SNF8: variants seen among roughly 807,000 people sequenced by gnomAD.
The protein encoded by SNF8 is vacuolar-sorting protein SNF8.
A neutral mutation model predicts 36.8 loss-of-function variants in SNF8; 19 were observed. The ratio of observed to expected loss-of-function variants is 0.52; its 90% CI spans 0.36 to 0.76. The LOEUF (loss-of-function observed/expected upper bound fraction) is 0.76, where lower values mean the gene tolerates loss of function less well. SNF8 is among the 30% of genes least tolerant of loss of function. The pLI is 0.00. For missense variants in SNF8, 268 were observed against 322.9 expected, an observed-to-expected ratio of 0.83 and a Z score of 1.30; for synonymous variants, 127 against 127.4, an observed-to-expected ratio of 1.00 and a Z score of 0.02.
intron 2 of SNF8, among the ~76,000 whole-genome samples, chr17:48,941,706 T>G (rs1211891576): frequency 6.6e-6 from 1 of 152,124 alleles, no homozygotes; most frequent in African/African-American, 2.4e-5. Flanking sequence ...TTTTAATTTT[T>G]TTGAGACAGA....
At chr17:48,931,543 A>G (rs2040859149) in intron 7 of SNF8, 100 bp downstream of exon 7, 2 of 964,170 alleles carry the variant, frequency 2.1e-6, no homozygotes, top group Non-Finnish European at 3.2e-6. Flanking sequence ...TTCAAGGCAG[A>G]AGGCCAGCAA....
At chr17:48,931,599 C>T in intron 7 of SNF8, 44 bp downstream of exon 7, 4 of 1,531,464 alleles carry the variant, frequency 2.6e-6, no homozygotes, top group South Asian at 1.2e-5. Flanking sequence ...ATCCTCCCAA[C>T]TGGGGCCTGC....
At chr17:48,937,360 G>A (rs1309006863) in intron 3 of SNF8, 18 of 617,286 alleles carry the variant, frequency 2.9e-5, no homozygotes, top group Non-Finnish European at 1.5e-5. Flanking sequence ...GGGCGCAGTG[G>A]CTCACGCCTG....
At chr17:48,936,994 A>T (rs745975120) in intron 4 of SNF8, 26 bp downstream of exon 4, 3 of 1,514,106 alleles carry the variant, frequency 2.0e-6, no homozygotes, top group Non-Finnish European at 2.8e-6. Context: ...TCCAGAGTCC[A>T]GTTCACAGGA....
At chr17:48,936,831 A>C in intron 4 of SNF8, 189 bp downstream of exon 4, 2 of 618,440 alleles carry the variant, frequency 3.2e-6, no homozygotes, top group African/African-American at 3.7e-5. Context: ...GAACAGAGAC[A>C]ATCGTTCAGG....
At chr17:48,930,642 G>A in intron 7 of SNF8, 30 bp from the exon 8 acceptor site, 1 of 1,605,864 alleles carries the variant, frequency 6.2e-7, no homozygotes, top group Non-Finnish European at 8.5e-7. Context: ...AGAGCAGTTT[G>A]AGAACAGGGA....
At chr17:48,937,272 C>T (rs749754704) in intron 3 of SNF8, 148 bp from the exon 4 acceptor site, 6 of 724,628 alleles carry the variant, frequency 8.3e-6, no homozygotes, top group Middle Eastern at 2.3e-4. Context: ...AGGAAACAAT[C>T]GGACTCACGG....
At chr17:48,930,684 C>T (rs2040845807) in intron 7 of SNF8, 72 bp from the exon 8 acceptor site, 1 of 1,481,732 alleles carries the variant, frequency 6.7e-7, no homozygotes, top group Admixed American at 2.1e-5. Context: ...GTAAGCAACC[C>T]CCACACCTAT....
intron 2 of SNF8, among the ~76,000 whole-genome samples, chr17:48,942,969 A>C (rs2041052322): frequency 6.7e-6 from 1 of 148,722 alleles, no homozygotes; most frequent in African/African-American, 2.5e-5. Flanking sequence ...GGGTTCATGC[A>C]ATTCTCCTAC....
intron 7 of SNF8, among the ~76,000 whole-genome samples, chr17:48,931,298 G>A (rs148410402): frequency 1.2e-4 from 18 of 152,258 alleles, no homozygotes; most frequent in Middle Eastern, 6.8e-3. Flanking sequence ...TGTAATTAAC[G>A]TAGTTAATAA....
chr17:48,930,495 C>A lies in SNF8; in HGVS notation c.757G>T (p.Ala253Ser), dbSNP rs979540367. Residue 253 changes from alanine to serine, a missense_variant, in exon 8 of 8, where the codon GCC becomes TCC. By Grantham distance (99) the Ala-to-Ser change is moderately conservative (BLOSUM62 1). Transcript: ENST00000502492. ...LYSQEITAEE[A>S]REALP ...TGCAGTCAGGGGAGGGCTTCTCTGG[C>A]CTCCTCAGCTGTAATCTCCTGGGAG... 1 of 1,608,712 alleles carries A rather than the reference C, an allele frequency of 6.2e-7. No individual in the cohort carries two copies. Among genetic ancestry groups the A allele is most frequent in the African/African-American group, 1.3e-5 (1 of 74,996 alleles).
At chr17:48,937,621 A>G (rs575470344) in intron 3 of SNF8, among the ~76,000 whole-genome samples, 11 of 146,116 alleles carry the variant, frequency 7.5e-5, no homozygotes, top group Non-Finnish European at 1.6e-4. Flanking sequence ...TAAGAGCACA[A>G]CTCTCTCTCA....
chr17:48,936,132 T>A, intron 5 of SNF8, 38 bp downstream of exon 5: 1 of 1,500,928 alleles, frequency 6.7e-7, no homozygotes. Context: ...TTTAAAGACC[T>A]CTTTCTGTAC....
At chr17:48,939,738 G>A (rs897652804) in intron 3 of SNF8, among the ~76,000 whole-genome samples, 3 of 151,644 alleles carry the variant, frequency 2.0e-5, no homozygotes, top group African/African-American at 2.4e-5. Flanking sequence ...GATTACAGGC[G>A]TGAGCCACCG....
chr17:48,930,991 T>C lies in SNF8; in HGVS notation c.640-379A>G, dbSNP rs904233578. Among the ~76,000 whole-genome samples the C allele has an allele frequency of 2.0e-5, 3 of 152,182 alleles. No individual in the cohort carries two copies. The South Asian group carries it at 6.2e-4, about 31-fold the overall frequency. ...TACCTTTGAATTAAGTTATTCCGGG[T>C]AGCAAACATGATTGACCATACTTAT... On this transcript the variant is annotated intron_variant, in intron 7 of 7. Coordinates refer to ENST00000502492, the MANE Select transcript of SNF8 (RefSeq NM_007241.4).
intron 3 of SNF8, among the ~76,000 whole-genome samples, chr17:48,937,584 C>T (rs894336583): frequency 6.8e-6 from 1 of 147,384 alleles, no homozygotes; most frequent in Non-Finnish European, 1.5e-5. Context: ...GAGCCAAGAT[C>T]GCGCCACCAT....
chr17:48,936,927 C>T, intron 4 of SNF8, 93 bp downstream of exon 4: 1 of 942,768 alleles, frequency 1.1e-6, no homozygotes, highest in African/African-American at 1.6e-5. Context: ...CCTTAGAGGC[C>T]TGTAGACTGC....
rs191268372 is a variant in SNF8 at position 48,944,179 on chromosome 17, G to A, written c.55-204C>T. 253 of 508,686 alleles carry A rather than the reference G, an allele frequency of 5.0e-4. 2 individuals carry two copies. In the East Asian group the frequency reaches 8.4e-3, roughly 17 times the overall value. 31.5% of individuals were successfully genotyped at this position (508,686 alleles called of 1,614,324 possible). On this transcript the variant is annotated intron_variant, in intron 1 of 7. Transcript: ENST00000502492. ...TAGCCGGACGTGGTGGTGGGCGCCT[G>A]TAGTCCCAGCTACTCAGGAGGCTGA...
At chr17:48,933,022 C>G (rs1397619614) in intron 6 of SNF8, 183 bp downstream of exon 6, 4 of 570,116 alleles carry the variant, frequency 7.0e-6, no homozygotes, top group Non-Finnish European at 1.2e-5. Context: ...ACAGCCTGGC[C>G]CAGTGCTTTG....
Sources: allele counts gnomAD v4.1 joint callset (sites outside exome capture counted in the v4.1 genomes callset), GRCh38; gene constraint gnomAD v4.1.1; transcripts MANE v1.5; gene names NCBI Gene and HGNC (gene_info 2026-07-23, HGNC 2026-07-21).